DCUN1D5: variants seen among roughly 807,000 people sequenced by gnomAD.
DCUN1D5 encodes defective in cullin neddylation 1 domain containing 5, also known as DCN1-like protein 5.
Under a neutral mutation model 38.3 loss-of-function variants are expected in DCUN1D5, and 10 were observed. That is an observed-to-expected ratio of 0.26 (90% CI 0.16 to 0.44). The LOEUF is 0.44. DCUN1D5 is among the 20% of genes least tolerant of loss of function. The pLI is 1.00. For missense variants in DCUN1D5, 148 were observed against 275.3 expected, an observed-to-expected ratio of 0.54 and a Z score of 3.27; for synonymous variants, 93 against 90.9, an observed-to-expected ratio of 1.02 and a Z score of -0.13.
rs1056228780 is a variant in DCUN1D5, at chr11:103,073,279, C to T, written c.342-6712G>A. Among the ~76,000 whole-genome samples the T allele has an allele frequency of 6.6e-6, 1 of 151,912 alleles. No individual in the cohort carries two copies. Among genetic ancestry groups the T allele is most frequent in the African/African-American group, 2.4e-5 (1 of 41,330 alleles). ...CATTACTATCTTCCAGTATTCAAAG[C>T]AAGACTGACAAAAAAAGAGAGAAGA... On this transcript the variant is annotated intron_variant, in intron 4 of 7. Transcript: ENST00000260247. This position sits in a 1 kb window ranked among gnomAD's most constrained non-coding sequence, Gnocchi z 4.2.
At position 103,072,334 on chromosome 11, in the gene DCUN1D5, A is replaced by G. The variant is rs1228139041; in HGVS notation, c.342-5767T>C. ...CAGTGTGGTGATTCCTCAAGGATCTAGAACTAGATCTAGATCTAGATCTAG... is the reference window on the plus strand; with the variant it reads ...CAGTGTGGTGATTCCTCAAGGATCTGGAACTAGATCTAGATCTAGATCTAG... On this transcript the variant is annotated intron_variant, in intron 4 of 7. Coordinates refer to ENST00000260247, the MANE Select transcript of DCUN1D5 (RefSeq NM_032299.4). Among the ~76,000 whole-genome samples, 3 of 138,382 alleles carry G rather than the reference A, an allele frequency of 2.2e-5. No individual in the cohort carries two copies. The East Asian group carries it at 6.1e-4, about 28-fold the overall frequency. 90.8% of individuals were successfully genotyped at this position (138,382 alleles called of 152,430 possible). A position where few individuals can be genotyped will look rare whatever the true frequency, so the allele number is the denominator to read the frequency against.
In DCUN1D5 at chr11:103,091,633, A is replaced by G; in HGVS notation, c.86+154T>C. 2 of 1,406,268 alleles carry G rather than the reference A, an allele frequency of 1.4e-6. No individual in the cohort carries two copies. Among genetic ancestry groups the G allele is most frequent in the African/African-American group, 1.4e-5 (1 of 70,570 alleles). The allele number at this position is 1,406,268 out of a possible 1,614,324, so 87.1% of individuals were successfully genotyped here. ...GAACACGAGGTCGGGTCGGGCGCGG[A>G]GACTCGCGGTGTTCGGCACCTACAG... On this transcript the variant is annotated intron_variant, in intron 1 of 7. Transcript: ENST00000260247. The surrounding 1 kb of genome is among the most constrained non-coding windows in gnomAD (Gnocchi z 4.3).
In DCUN1D5 at chr11:103,092,124, C is replaced by A. The variant is rs558669724; in HGVS notation, c.-252G>T. On this transcript the variant is annotated 5_prime_UTR_variant, in exon 1 of 8. Transcript: ENST00000260247. The stretch of plus-strand genomic sequence containing the variant: ...GTTCGTTCTCACCGGGAGGAGATAA[C>A]GCGGACAGCGCGGCAGCTCCACCAG... The A allele has an allele frequency of 6.7e-6, 3 of 448,928 alleles. No individual in the cohort carries two copies. Among genetic ancestry groups the A allele is most frequent in the Non-Finnish European group, 1.2e-5 (3 of 251,614 alleles). The allele number at this position is 448,928 out of a possible 1,614,324, so 27.8% of individuals were successfully genotyped here.
Position 103,066,706 on chromosome 11 carries a change from A to G in DCUN1D5, c.342-139T>C. The G allele has an allele frequency of 2.0e-6, 1 of 508,906 alleles. No individual in the cohort carries two copies. Among genetic ancestry groups the G allele is most frequent in the South Asian group, 3.5e-5 (1 of 28,246 alleles). 31.5% of individuals were successfully genotyped at this position (508,906 alleles called of 1,614,324 possible). ...TTTAGTTTTAAAATTCTGAGTCACAAATTTAGAGTAATAAATTTCTTGCCC... is the reference window on the plus strand; with the variant it reads ...TTTAGTTTTAAAATTCTGAGTCACAGATTTAGAGTAATAAATTTCTTGCCC... On this transcript the variant is annotated intron_variant, in intron 4 of 7. Transcript: ENST00000260247. The surrounding 1 kb of genome is among the most constrained non-coding windows in gnomAD (Gnocchi z 4.7).
rs1861730352 is a variant in DCUN1D5, at chr11:103,051,501, T to TCCAC, written c.*10857_*10858insGTGG. ...GATTTGGTGGCTTCACATATTTACT[T>TCCAC]CCCCCCCCCCCCCGCCACCCCTGTG... is the stretch of plus-strand genomic sequence containing the variant. On this transcript the variant is annotated 3_prime_UTR_variant, in exon 8 of 8. Transcript: ENST00000260247. 1 of 111,420 alleles carries TCCAC rather than the reference T, an allele frequency of 9.0e-6. No homozygotes were observed. The highest frequency in any genetic ancestry group is 1.8e-5 in the Non-Finnish European group (1 of 56,744). 6.9% of individuals were successfully genotyped at this position (111,420 alleles called of 1,614,324 possible).
At chr11:103,080,304 TTTAAGA>T (rs1565291238) in intron 4 of DCUN1D5, among the ~76,000 whole-genome samples, 1 of 152,208 alleles carries the variant, frequency 6.6e-6, no homozygotes, top group Non-Finnish European at 1.5e-5. Flanking sequence ...AGTTTTATAT[TTTAAGA>T]TTATGTTTAT....
rs1862626544 is a variant in DCUN1D5, at chr11:103,083,676, T to C, written c.179-350A>G. ...TAAAATTTTTGACAATGCATGAATA[T>C]GAAAAAACATAAGGCAGCTGGAGCT... On this transcript the variant is annotated intron_variant, in intron 2 of 7. Transcript: ENST00000260247. The surrounding 1 kb of genome is among the most constrained non-coding windows in gnomAD (Gnocchi z 4.4). Among the ~76,000 whole-genome samples, 1 of 151,726 alleles carries C rather than the reference T, an allele frequency of 6.6e-6. No individual in the cohort carries two copies.
chr11:103,077,281 C>G lies in DCUN1D5; in HGVS notation c.341+5467G>C, dbSNP rs912446719. Among the ~76,000 whole-genome samples, 2 of 152,036 alleles carry G rather than the reference C, an allele frequency of 1.3e-5. No homozygotes were observed. The highest frequency in any genetic ancestry group is 4.8e-5 in the African/African-American group (2 of 41,410). On this transcript the variant is annotated intron_variant, in intron 4 of 7. Transcript: ENST00000260247. This position sits in a 1 kb window ranked among gnomAD's most constrained non-coding sequence, Gnocchi z 4.3. ...AGACTGTGAACACATCTGGCAAAAC[C>G]AACATACCGAAGCAGTTACTAACAG...
In DCUN1D5 at chr11:103,060,192, G is replaced by A. The variant is rs1291879809; in HGVS notation, c.*2167C>T. Among the ~76,000 whole-genome samples the A allele has an allele frequency of 1.3e-5, 2 of 152,132 alleles. No individual in the cohort carries two copies. The highest frequency in any genetic ancestry group is 6.5e-5 in the Admixed American group (1 of 15,268). On this transcript the variant is annotated 3_prime_UTR_variant, in exon 8 of 8. Transcript: ENST00000260247. ...TAAGAAGGTAAGAGAAATAGATGGA[G>A]CAATAGAGTAAAGCAAGCGTGGCCT...
At chr11:103,089,377 T>C in intron 1 of DCUN1D5, 59 bp from the exon 2 acceptor site, 4 of 1,426,508 alleles carry the variant, frequency 2.8e-6, no homozygotes, top group Non-Finnish European at 3.8e-6. Context: ...AGAGAAAAAC[T>C]AAGTTCAAAA....
rs115043839 is a variant in DCUN1D5 at position 103,063,339 on chromosome 11, A to C, written c.659-925T>G. Among the ~76,000 whole-genome samples, 2,536 of 152,250 alleles carry C rather than the reference A, an allele frequency of 0.017. 70 individuals carry two copies. The highest frequency in any genetic ancestry group is 0.058 in the African/African-American group (2,403 of 41,546). ...GTTGTATTTTAATACAAAATCTCCT[A>C]GTTTTAAATGCTGATACAAAATACA... On this transcript the variant is annotated intron_variant, in intron 7 of 7. Coordinates refer to ENST00000260247, the MANE Select transcript of DCUN1D5 (RefSeq NM_032299.4). The surrounding 1 kb of genome is among the most constrained non-coding windows in gnomAD (Gnocchi z 4.6).
rs1374463898 is a variant in DCUN1D5 at position 103,077,127 on chromosome 11, G to C, written c.341+5621C>G. Among the ~76,000 whole-genome samples the C allele has an allele frequency of 1.3e-5, 2 of 152,154 alleles. No individual in the cohort carries two copies. Among genetic ancestry groups the C allele is most frequent in the African/African-American group, 4.8e-5 (2 of 41,428 alleles). ...AAGCAGGGGAATGGCGTGAACCCGGGAGGCGGAGCTTGCAGTGAGCCGAGA... is the reference window on the plus strand; with the variant it reads ...AAGCAGGGGAATGGCGTGAACCCGGCAGGCGGAGCTTGCAGTGAGCCGAGA... On this transcript the variant is annotated intron_variant, in intron 4 of 7. Transcript: ENST00000260247. The surrounding 1 kb of genome is among the most constrained non-coding windows in gnomAD (Gnocchi z 4.3).
At chr11:103,084,501 G>A (rs1448659316) in intron 2 of DCUN1D5, among the ~76,000 whole-genome samples, 2 of 152,132 alleles carry the variant, frequency 1.3e-5, no homozygotes, top group African/African-American at 4.8e-5. Flanking sequence ...TACTAACAAT[G>A]CACTCGTGTT....
At chr11:103,074,551 G>A (rs144342066) in intron 4 of DCUN1D5, among the ~76,000 whole-genome samples, 76 of 152,154 alleles carry the variant, frequency 5.0e-4, no homozygotes, top group African/African-American at 1.8e-3. Context: ...GACTATGGGC[G>A]TGCACCACCA....
At position 103,057,501 on chromosome 11, in the gene DCUN1D5, T is replaced by C. The variant is rs1217512028; in HGVS notation, c.*4858A>G. ...GGTGGGATCACTTGAGGGCAGGAGT[T>C]TGAGACCAGCCTGGCCAACATGGTG... On this transcript the variant is annotated 3_prime_UTR_variant, in exon 8 of 8. Coordinates refer to ENST00000260247, the MANE Select transcript of DCUN1D5 (RefSeq NM_032299.4). The surrounding 1 kb of genome is among the most constrained non-coding windows in gnomAD (Gnocchi z 4.8). Among the ~76,000 whole-genome samples, 5 of 151,922 alleles carry C rather than the reference T, an allele frequency of 3.3e-5. No individual in the cohort carries two copies. The highest frequency in any genetic ancestry group is 7.4e-5 in the Non-Finnish European group (5 of 67,992).
chr11:103,089,446 G>A, intron 1 of DCUN1D5, 128 bp from the exon 2 acceptor site: 1 of 748,398 alleles, frequency 1.3e-6, no homozygotes, highest in Non-Finnish European at 2.0e-6. Context: ...GGCATTGTTG[G>A]AAAAAAACTG....
intron 4 of DCUN1D5, among the ~76,000 whole-genome samples, chr11:103,070,529 A>T (rs561939020): frequency 3.5e-4 from 53 of 152,328 alleles, no homozygotes; most frequent in African/African-American, 1.3e-3. Flanking sequence ...AACAATTCTA[A>T]GCAATCCTAT....
rs1207312572 is a variant in DCUN1D5, at chr11:103,061,613, A to G, written c.*746T>C. Among the ~76,000 whole-genome samples the G allele has an allele frequency of 1.3e-5, 2 of 151,718 alleles. No homozygotes were observed. Among genetic ancestry groups the G allele is most frequent in the Non-Finnish European group, 2.9e-5 (2 of 67,912 alleles). ...CTCTTAAGGCAAAAAAAAAAAAAAA[A>G]AGTGCTTTAAACAAAATTCCCTATA... is the stretch of plus-strand genomic sequence containing the variant. On this transcript the variant is annotated 3_prime_UTR_variant, in exon 8 of 8. Coordinates refer to ENST00000260247, the MANE Select transcript of DCUN1D5 (RefSeq NM_032299.4).
At chr11:103,082,892 A>G in intron 3 of DCUN1D5, 53 bp from the exon 4 acceptor site, 1 of 1,379,174 alleles carries the variant, frequency 7.3e-7, no homozygotes, top group South Asian at 1.2e-5. Flanking sequence ...AGAGATAATC[A>G]TGTCTATATT....
Sources: gnomAD v4.1 joint callset for allele counts (sites outside exome capture counted in the v4.1 genomes callset) on GRCh38, gnomAD v4.1.1 for gene constraint, Gnocchi (gnomAD v3.1) non-coding constraint, MANE v1.5 for transcripts, NCBI Gene and HGNC (gene_info 2026-07-23, HGNC 2026-07-21) for gene names.